The following ADGRB3 variants were observed in gnomAD, a reference collection of about 807,000 sequenced individuals.
ADGRB3 encodes brain-specific angiogenesis inhibitor 3.
ADGRB3 carries 37 observed loss-of-function variants against 193.4 expected under a neutral mutation model. That is an observed-to-expected ratio of 0.19 (90% CI 0.15 to 0.25). ADGRB3 has a LOEUF of 0.25. ADGRB3 is among the 10% of genes least tolerant of loss of function. ADGRB3 has a pLI of 1.00. For missense variants in ADGRB3, 1,637 were observed against 1,852.9 expected (o/e 0.88, Z 2.14); for synonymous variants, 690 against 644.2 (o/e 1.07, Z -1.08).
intron 31 of ADGRB3, among the ~76,000 whole-genome samples, 157 bp downstream of exon 31, chr6:69,383,092 C>A (rs2127239531): frequency 6.6e-6 from 1 of 151,916 alleles, no homozygotes; most frequent in East Asian, 1.9e-4. Context: ...TCTACCAAGA[C>A]AAATTAGGAA....
intron 3 of ADGRB3, among the ~76,000 whole-genome samples, chr6:68,911,419 TA>T (rs61466569): frequency 2.7e-5 from 4 of 148,804 alleles, no homozygotes; most frequent in East Asian, 4.0e-4. Context: ...AAGTATAATT[TA>T]AAAAAAAAAG....
intron 3 of ADGRB3, among the ~76,000 whole-genome samples, chr6:68,916,883 T>C (rs763853834): frequency 2.6e-5 from 4 of 152,154 alleles, no homozygotes; most frequent in East Asian, 1.9e-4. Flanking sequence ...CGAGACAGGG[T>C]AAAGAGTTTG....
At chr6:69,021,873 T>C (rs1770281178) in intron 13 of ADGRB3, among the ~76,000 whole-genome samples, 1 of 151,902 alleles carries the variant, frequency 6.6e-6, no homozygotes, top group African/African-American at 2.4e-5. Context: ...ATGAACATTT[T>C]GGTATATATG....
At chr6:69,302,377 G>A (rs1044712531) in intron 20 of ADGRB3, among the ~76,000 whole-genome samples, 1 of 151,830 alleles carries the variant, frequency 6.6e-6, no homozygotes, top group Non-Finnish European at 1.5e-5. Flanking sequence ...TAGAGAATGA[G>A]AACATTTTTT....
intron 17 of ADGRB3, among the ~76,000 whole-genome samples, chr6:69,162,141 A>G (rs920856039): frequency 1.3e-5 from 2 of 152,118 alleles, no homozygotes; most frequent in African/African-American, 2.4e-5. Context: ...ATTACATGCT[A>G]TAAAAAATTT....
chr6:68,863,196 T>G (rs918021831), intron 3 of ADGRB3, among the ~76,000 whole-genome samples: 2 of 152,150 alleles, frequency 1.3e-5, no homozygotes, highest in Admixed American at 6.5e-5. Context: ...TTTTCATTAA[T>G]TTTAGCACTC....
intron 17 of ADGRB3, among the ~76,000 whole-genome samples, chr6:69,167,900 A>G (rs1230547581): frequency 6.6e-6 from 1 of 152,134 alleles, no homozygotes; most frequent in Admixed American, 6.6e-5. Context: ...AGCCTCAATG[A>G]GTTTCCCACA....
At chr6:68,724,125 G>T (rs1765631885) in intron 3 of ADGRB3, among the ~76,000 whole-genome samples, 1 of 151,376 alleles carries the variant, frequency 6.6e-6, no homozygotes, top group African/African-American at 2.4e-5. Flanking sequence ...TCAGTGGAAA[G>T]ATTGTTTTTA....
At chr6:68,891,991 A>T (rs1462600500) in intron 3 of ADGRB3, among the ~76,000 whole-genome samples, 1 of 152,208 alleles carries the variant, frequency 6.6e-6, no homozygotes, top group Admixed American at 6.5e-5. Flanking sequence ...TGTTCTGTCC[A>T]TACTGTCCAG....
chr6:68,714,053 A>C (rs1765451041), intron 3 of ADGRB3, among the ~76,000 whole-genome samples: 1 of 151,870 alleles, frequency 6.6e-6, no homozygotes, highest in East Asian at 1.9e-4. Context: ...TGATGTTCTA[A>C]AAGAGTATTT....
intron 17 of ADGRB3, among the ~76,000 whole-genome samples, chr6:69,100,977 A>G (rs1262434805): frequency 9.3e-4 from 73 of 78,450 alleles, no homozygotes; most frequent in Non-Finnish European, 1.4e-3. Flanking sequence ...AAGGGAAGGA[A>G]GGAAGGAAGG....
intron 20 of ADGRB3, among the ~76,000 whole-genome samples, chr6:69,323,205 G>A (rs772691197): frequency 6.6e-6 from 1 of 151,986 alleles, no homozygotes; most frequent in African/African-American, 2.4e-5. Context: ...AGATGGACTA[G>A]CTTTGCTAGT....
Position 69,327,804 on chromosome 6 carries a change from A to T in ADGRB3, c.2966-16A>T. On this transcript the variant is annotated splice_polypyrimidine_tract_variant and intron_variant, in intron 21 of 31. Transcript: ENST00000370598. ...TTATAGCTAAATATGAATGCGTGAC[A>T]TTGCTTTTCTTGCAGGTTTACCAGC... is the stretch of plus-strand genomic sequence containing the variant. 6.2e-7 allele frequency: 1 copy of T among 1,604,038 alleles called. No homozygotes were observed. Among genetic ancestry groups the T allele is most frequent in the Non-Finnish European group, 8.5e-7 (1 of 1,172,692 alleles).
intron 4 of ADGRB3, 31 bp from the exon 5 acceptor site, chr6:68,936,488 A>G: frequency 6.2e-7 from 1 of 1,607,394 alleles, no homozygotes; most frequent in Non-Finnish European, 8.5e-7. Context: ...TTAAGACAGT[A>G]TTTCATGTTT....
intron 11 of ADGRB3, among the ~76,000 whole-genome samples, chr6:69,007,689 TCTCTCACACACACACA>T (rs1384827949): frequency 4.2e-5 from 5 of 118,592 alleles, no homozygotes; most frequent in African/African-American, 1.3e-4. Flanking sequence ...TCTCTCTCTC[TCTCTCACACACACACA>T]CACACACACA....
At chr6:68,659,272 G>C (rs571153346) in intron 3 of ADGRB3, among the ~76,000 whole-genome samples, 1 of 149,698 alleles carries the variant, frequency 6.7e-6, no homozygotes, top group Admixed American at 6.7e-5. Context: ...TTTCCTCAGA[G>C]GAACTAATCA....
chr6:69,355,777 C>G lies in ADGRB3; in HGVS notation c.3556-44C>G, dbSNP rs375418191. 23 of 1,496,988 alleles carry G rather than the reference C, an allele frequency of 1.5e-5. No individual in the cohort carries two copies. The African/African-American group carries it at 1.8e-4, about 12-fold the overall frequency. The allele number at this position is 1,496,988 out of a possible 1,614,324, so 92.7% of individuals were successfully genotyped here. A position where few individuals can be genotyped will look rare whatever the true frequency, so the allele number is the denominator to read the frequency against. On this transcript the variant is annotated intron_variant, in intron 27 of 31. Coordinates refer to ENST00000370598, the MANE Select transcript of ADGRB3 (RefSeq NM_001704.3). The stretch of plus-strand genomic sequence containing the variant: ...CTGATTAGTAAAAGACACTTGAGGT[C>G]TTCATTAAATGATGGTTCTATGTCT...
At chr6:68,882,069 G>A (rs573020640) in intron 3 of ADGRB3, among the ~76,000 whole-genome samples, 49 of 151,994 alleles carry the variant, frequency 3.2e-4, no homozygotes, top group Non-Finnish European at 6.6e-4. Context: ...AAGCTTTTAT[G>A]TTCTCTTAAA....
intron 3 of ADGRB3, among the ~76,000 whole-genome samples, chr6:68,796,867 G>A (rs1562033657): frequency 6.6e-6 from 1 of 152,108 alleles, no homozygotes; most frequent in Non-Finnish European, 1.5e-5. Flanking sequence ...AAAGACTCAG[G>A]TATACTTGTC....
Sources: allele counts gnomAD v4.1 joint callset (sites outside exome capture counted in the v4.1 genomes callset), GRCh38; gene constraint gnomAD v4.1.1; transcripts MANE v1.5; gene names NCBI Gene and HGNC (gene_info 2026-07-23, HGNC 2026-07-21).